Variants in RNLS observed in about 807,000 individuals in gnomAD.
RNLS encodes renalase, FAD dependent amine oxidase, also known as renalase.
Under a neutral mutation model 39.8 loss-of-function variants are expected in RNLS, and 39 were observed. That is an observed-to-expected ratio of 0.98 (90% CI 0.76 to 1.28). RNLS has a LOEUF of 1.28. RNLS is among the 50% of genes most tolerant of loss of function. The pLI is 0.00. For missense variants in RNLS, 410 were observed against 413.3 expected, an observed-to-expected ratio of 0.99 and a Z score of 0.07; for synonymous variants, 147 against 150.7, an observed-to-expected ratio of 0.98 and a Z score of 0.18.
At chr10:88,501,333 T>C (rs187954800) in intron 4 of RNLS, among the ~76,000 whole-genome samples, 3 of 152,286 alleles carry the variant, frequency 2.0e-5, no homozygotes, top group Non-Finnish European at 2.9e-5. Context: ...TCTCATAATT[T>C]GGTTGTAAAG....
intron 4 of RNLS, among the ~76,000 whole-genome samples, chr10:88,444,647 C>A (rs1289414149): frequency 2.0e-5 from 3 of 152,094 alleles, no homozygotes; most frequent in African/African-American, 7.2e-5. Flanking sequence ...GAGCTGAAAA[C>A]CATGGCACGA....
At chr10:88,268,315 T>G in the RNLS span, among the ~76,000 whole-genome samples, 2 of 152,284 alleles carry the variant, frequency 1.3e-5, no homozygotes, top group East Asian at 1.9e-4. Flanking sequence ...GTTCCCCACT[T>G]CCCAGTCATT....
chr10:88,477,593 G>A (rs540630832), intron 4 of RNLS, among the ~76,000 whole-genome samples: 2 of 152,172 alleles, frequency 1.3e-5, no homozygotes, highest in African/African-American at 4.8e-5. Flanking sequence ...AGTGATGACA[G>A]GGATGACAGA....
chr10:88,394,944 C>T (rs1852458287), intron 4 of RNLS, among the ~76,000 whole-genome samples: 1 of 151,638 alleles, frequency 6.6e-6, no homozygotes, highest in Non-Finnish European at 1.5e-5. Flanking sequence ...ATTGCAAGGA[C>T]AAAAAACCAA....
intron 6 of RNLS, among the ~76,000 whole-genome samples, chr10:88,297,974 C>T (rs577100983): frequency 6.6e-6 from 1 of 152,228 alleles, no homozygotes; most frequent in South Asian, 2.1e-4. Context: ...TCCATTTCTT[C>T]ACATCCTCTC....
chr10:88,339,810 G>A (rs750050828), intron 5 of RNLS, among the ~76,000 whole-genome samples: 4 of 152,154 alleles, frequency 2.6e-5, no homozygotes, highest in Non-Finnish European at 4.4e-5. Context: ...GCTAAAGGAT[G>A]AGACACACTT....
At chr10:88,370,122 C>T (rs961149251) in intron 4 of RNLS, among the ~76,000 whole-genome samples, 1 of 152,186 alleles carries the variant, frequency 6.6e-6, no homozygotes, top group African/African-American at 2.4e-5. Flanking sequence ...AAACATTATA[C>T]TCTCAGGCAG....
intron 4 of RNLS, among the ~76,000 whole-genome samples, chr10:88,436,100 A>G (rs1181300180): frequency 6.6e-6 from 1 of 152,106 alleles, no homozygotes; most frequent in Non-Finnish European, 1.5e-5. Flanking sequence ...AAGGGACTGT[A>G]GGAAGCCAGA....
intron 4 of RNLS, among the ~76,000 whole-genome samples, chr10:88,387,168 C>A (rs1851911561): frequency 6.6e-6 from 1 of 152,076 alleles, no homozygotes; most frequent in Non-Finnish European, 1.5e-5. Context: ...CTTCCGGAAG[C>A]CTTAAGTATT....
At chr10:88,499,490 A>G (rs1352109286) in intron 4 of RNLS, among the ~76,000 whole-genome samples, 1 of 152,160 alleles carries the variant, frequency 6.6e-6, no homozygotes, top group Non-Finnish European at 1.5e-5. Flanking sequence ...GTTCTTACGA[A>G]AAATTTTGTT....
chr10:88,550,228 AG>A (rs1848544061), intron 4 of RNLS, among the ~76,000 whole-genome samples: 2 of 152,330 alleles, frequency 1.3e-5, no homozygotes, highest in Non-Finnish European at 2.9e-5. Flanking sequence ...AAGATATTAT[AG>A]TTTACTTTTC....
At chr10:88,384,124 G>A (rs1465051730) in intron 4 of RNLS, among the ~76,000 whole-genome samples, 1 of 151,986 alleles carries the variant, frequency 6.6e-6, no homozygotes, top group African/African-American at 2.4e-5. Context: ...TTGACTCTTG[G>A]CCTAAAAAGT....
chr10:88,246,853 G>T, the RNLS span, among the ~76,000 whole-genome samples: 1 of 152,204 alleles, frequency 6.6e-6, no homozygotes, highest in Non-Finnish European at 1.5e-5. Context: ...TGTGTAACCA[G>T]CCATGAAGGT....
chr10:88,361,355 A>T (rs774821190), intron 5 of RNLS, among the ~76,000 whole-genome samples: 34 of 151,838 alleles, frequency 2.2e-4, no homozygotes, highest in Non-Finnish European at 3.7e-4. Context: ...ACAAGTTTAA[A>T]TTTTTTTTTC....
At chr10:88,531,233 C>A in intron 4 of RNLS, among the ~76,000 whole-genome samples, 1 of 148,378 alleles carries the variant, frequency 6.7e-6, no homozygotes, top group Non-Finnish European at 1.5e-5. Context: ...CTTGCTTTAT[C>A]AATATTCCTA....
In RNLS at chr10:88,582,308, C is replaced by A; in HGVS notation, c.119-1G>T. Reference sequence around the variant, plus strand: ...CTGCAGGCTGTAGTCATTCTTCCCCCTTGAATTAATCCACAGGAAAATGTC... The same window carrying A: ...CTGCAGGCTGTAGTCATTCTTCCCCATTGAATTAATCCACAGGAAAATGTC... On this transcript the variant is annotated splice_acceptor_variant, in intron 1 of 6. Transcript: ENST00000331772. LOFTEE classifies it high-confidence loss of function. 4 of 1,611,218 alleles carry A rather than the reference C, an allele frequency of 2.5e-6. No individual in the cohort carries two copies. Among genetic ancestry groups the A allele is most frequent in the Non-Finnish European group, 3.4e-6 (4 of 1,178,526 alleles).
chr10:88,515,373 C>T (rs1846353175), intron 4 of RNLS, among the ~76,000 whole-genome samples: 1 of 151,990 alleles, frequency 6.6e-6, no homozygotes, highest in African/African-American at 2.4e-5. Flanking sequence ...TTGCAGGGTC[C>T]AATTATGCCA....
At chr10:88,271,264 C>T (rs897175801), downstream of RNLS, among the ~76,000 whole-genome samples, 5 of 152,166 alleles carry the variant, frequency 3.3e-5, no homozygotes, top group Non-Finnish European at 5.9e-5. Flanking sequence ...TGAGCAAATT[C>T]ATTTCTGGGG....
chr10:88,582,494 C>G (rs1483130259), intron 1 of RNLS, among the ~76,000 whole-genome samples, 187 bp from the exon 2 acceptor site: 1 of 152,090 alleles, frequency 6.6e-6, no homozygotes, highest in Non-Finnish European at 1.5e-5. Context: ...GTGTCCAGCA[C>G]CATTATAGTG....
Sources: allele counts gnomAD v4.1 joint callset (sites outside exome capture counted in the v4.1 genomes callset), GRCh38; gene constraint gnomAD v4.1.1; transcripts MANE v1.5; gene names NCBI Gene and HGNC (gene_info 2026-07-23, HGNC 2026-07-21).